The following VSIG8 variants were observed in gnomAD, a reference collection of about 807,000 sequenced individuals.
VSIG8 encodes the protein V-set and immunoglobulin domain-containing protein 8.
Under a neutral mutation model 42.6 loss-of-function variants are expected in VSIG8, and 32 were observed. That is an observed-to-expected ratio of 0.75 (90% CI 0.57 to 1.01). The LOEUF is 1.01. Among genes scored for constraint, VSIG8 ranks in the 50% least tolerant of loss-of-function variants. The pLI, the probability that VSIG8 is intolerant of heterozygous loss-of-function variation, is 0.00. For missense variants in VSIG8, 529 were observed against 558.0 expected (o/e 0.95, Z 0.52); for synonymous variants, 290 against 243.8 (o/e 1.19, Z -1.77).
At chr1:159,858,678 C>T in intron 2 of VSIG8, 56 bp downstream of exon 2, 1 of 1,544,460 alleles carries the variant, frequency 6.5e-7, no homozygotes. Context: ...GTTGGCTGTC[C>T]AACAGGTAGA....
At chr1:159,855,147 C>T in intron 6 of VSIG8, 121 bp from the exon 7 acceptor site, 8 of 1,551,638 alleles carry the variant, frequency 5.2e-6, no homozygotes, top group Non-Finnish European at 6.1e-6. Flanking sequence ...TCCACCTGCC[C>T]TCGTCTCTCT....
chr1:159,860,049 GC>G (rs1165444934), intron 1 of VSIG8, among the ~76,000 whole-genome samples: 3 of 152,036 alleles, frequency 2.0e-5, no homozygotes, highest in Admixed American at 6.5e-5. Context: ...GCCTCTGCAG[GC>G]CCCTCACCAG....
chr1:159,857,923 T>C lies in VSIG8; in HGVS notation c.474A>G (p.Thr158=). The C allele has an allele frequency of 1.2e-6, 2 of 1,614,228 alleles. No homozygotes were observed. The part of the protein sequence containing the change: ...VPMCWTEGHM[T]YGNDVVLKCY... ...ACTTCAGCACCACATCGTTGCCATA[T>C]GTCATGTGGCCCTCTGTCCAGCACA... Residue 158 remains threonine (T), a synonymous_variant, in exon 4 of 7, where the codon ACA becomes ACG. Transcript: ENST00000368100.
At chr1:159,859,641 GC>G (rs756629712) in intron 1 of VSIG8, among the ~76,000 whole-genome samples, 18 of 152,190 alleles carry the variant, frequency 1.2e-4, no homozygotes, top group Non-Finnish European at 2.5e-4. Flanking sequence ...GTGACCAGGA[GC>G]CTGGCTGTGT....
chr1:159,857,402 C>T (rs759838934), intron 4 of VSIG8, among the ~76,000 whole-genome samples: 4 of 152,160 alleles, frequency 2.6e-5, no homozygotes, highest in East Asian at 1.9e-4. Flanking sequence ...GGTAAAACCC[C>T]GTTTCTACTA....
At chr1:159,856,484 A>T in intron 5 of VSIG8, 40 bp downstream of exon 5, 1 of 1,608,610 alleles carries the variant, frequency 6.2e-7, no homozygotes, top group Non-Finnish European at 8.5e-7. Context: ...CTCCAGTTCA[A>T]CCCTCCCAAC....
Position 159,854,626 on chromosome 1 carries a change from T to C in VSIG8, c.*127A>G. 3 of 1,334,928 alleles carry C rather than the reference T, an allele frequency of 2.2e-6. No homozygotes were observed. The highest frequency in any genetic ancestry group is 2.9e-6 in the Non-Finnish European group (3 of 1,046,720). 82.7% of individuals were successfully genotyped at this position (1,334,928 alleles called of 1,614,324 possible). ...TACGCATTTCCTTAGGGAAATGCCT[T>C]CACCCCCAGCCGCCTGGCAGCCTGG... is the stretch of plus-strand genomic sequence containing the variant. On this transcript the variant is annotated 3_prime_UTR_variant, in exon 7 of 7. Coordinates refer to ENST00000368100, the MANE Select transcript of VSIG8 (RefSeq NM_001013661.1).
At chr1:159,860,674 C>T (rs1648990639) in intron 1 of VSIG8, 1 of 152,254 alleles carries the variant, frequency 6.6e-6, no homozygotes, top group Admixed American at 6.5e-5. Context: ...ACAGCTCATT[C>T]CTGAGATAAG....
chr1:159,858,888 T>C lies in VSIG8; in HGVS notation c.74A>G (p.Asn25Ser). ...GTACAGGACCTCCTGTCCATCCCCGTTGATCCGCACAGCAGACAGCAGTGC... is the reference window on the plus strand; with the variant it reads ...GTACAGGACCTCCTGTCCATCCCCGCTGATCCGCACAGCAGACAGCAGTGC... ...SPALLSAVRI[N>S]GDGQEVLYLA... The change falls in exon 2 of 7, where the codon AAC (asparagine) becomes AGC (serine). Residue 25 changes from asparagine (N) to serine (S), a missense_variant. Physicochemically the swap from Asn to Ser is conservative, Grantham distance 46. Coordinates refer to ENST00000368100, the MANE Select transcript of VSIG8 (RefSeq NM_001013661.1). The C allele has an allele frequency of 6.2e-7, 1 of 1,613,832 alleles. No individual in the cohort carries two copies. Among genetic ancestry groups the C allele is most frequent in the Non-Finnish European group, 8.5e-7 (1 of 1,179,928 alleles).
chr1:159,856,394 G>C (rs1388990710), intron 5 of VSIG8, 130 bp downstream of exon 5: 8 of 1,496,856 alleles, frequency 5.3e-6, no homozygotes, highest in Non-Finnish European at 7.3e-6. Context: ...TTGTAGGAAA[G>C]GGGCTGGGAG....
intron 6 of VSIG8, 100 bp downstream of exon 6, chr1:159,855,783 T>TGG: frequency 7.4e-7 from 1 of 1,345,566 alleles, no homozygotes; most frequent in South Asian, 1.6e-5. Flanking sequence ...CGGGCAGGGT[T>TGG]GGGGTGGGGG....
At chr1:159,859,675 G>A (rs985663017) in intron 1 of VSIG8, among the ~76,000 whole-genome samples, 1 of 152,208 alleles carries the variant, frequency 6.6e-6, no homozygotes, top group African/African-American at 2.4e-5. Context: ...GTGAGTGATG[G>A]TGTGTGCCTG....
At position 159,858,167 on chromosome 1, in the gene VSIG8, A is replaced by G. The variant is rs1396849429; in HGVS notation, c.353T>C (p.Val118Ala). Residue 118 changes from valine (V) to alanine (A), a missense_variant, in exon 3 of 7, where the codon GTA (valine) becomes GCA (alanine). Coordinates refer to ENST00000368100, the MANE Select transcript of VSIG8 (RefSeq NM_001013661.1). ...GCACTCATAAGTGGCTGTATCAGATACCTGCAGGTTCATGAGGTTGATGGA... is the reference window on the plus strand; with the variant it reads ...GCACTCATAAGTGGCTGTATCAGATGCCTGCAGGTTCATGAGGTTGATGGA... ...DASINLMNLQ[V>A]SDTATYECRV... The G allele has an allele frequency of 6.2e-7, 1 of 1,614,074 alleles. No homozygotes were observed. The highest frequency in any genetic ancestry group is 8.5e-7 in the Non-Finnish European group (1 of 1,180,036).
chr1:159,862,407 C>T, intron 1 of VSIG8, 66 bp downstream of exon 1: 1 of 1,526,130 alleles, frequency 6.6e-7, no homozygotes. Flanking sequence ...ACTGTGAGCC[C>T]TTGCTGCCCC....
At chr1:159,862,121 G>T in intron 1 of VSIG8, 1 of 279,774 alleles carries the variant, frequency 3.6e-6, no homozygotes, top group Non-Finnish European at 6.7e-6. Context: ...CAATGCCCGT[G>T]CTTACCCCTC....
Position 159,862,602 on chromosome 1 carries a change from G to T in VSIG8, c.-81C>A. The T allele has an allele frequency of 7.4e-7, 1 of 1,342,388 alleles. No homozygotes were observed. The allele number at this position is 1,342,388 out of a possible 1,614,324, so 83.2% of individuals were successfully genotyped here. A position where few individuals can be genotyped will look rare whatever the true frequency, so the allele number is the denominator to read the frequency against. The stretch of plus-strand genomic sequence containing the variant: ...GGTGGGTGTGAGGGGGTAGGTGGAG[G>T]GAGGGGGAGCTGAGGGCCCAGACAC... On this transcript the variant is annotated 5_prime_UTR_variant, in exon 1 of 7. Transcript: ENST00000368100.
At chr1:159,858,391 CT>C in intron 2 of VSIG8, 100 bp from the exon 3 acceptor site, 1 of 1,199,528 alleles carries the variant, frequency 8.3e-7, no homozygotes. Flanking sequence ...CTCTGAGACT[CT>C]TTTCTCAGCT....
intron 6 of VSIG8, 167 bp downstream of exon 6, chr1:159,855,716 A>G (rs1265167073): frequency 5.0e-5 from 47 of 948,988 alleles, no homozygotes; most frequent in Non-Finnish European, 5.9e-5. Context: ...GGGAGGGGAA[A>G]GCCATGAGTT....
intron 6 of VSIG8, 102 bp from the exon 7 acceptor site, chr1:159,855,128 G>T (rs760534987): frequency 6.4e-7 from 1 of 1,551,230 alleles, no homozygotes. Flanking sequence ...CTTGTCTCCC[G>T]CGCCTCCCTC....
Sources: gnomAD v4.1 joint callset for allele counts (sites outside exome capture counted in the v4.1 genomes callset) on GRCh38, gnomAD v4.1.1 for gene constraint, MANE v1.5 for transcripts, NCBI Gene and HGNC (gene_info 2026-07-23, HGNC 2026-07-21) for gene names.